Variants in CSMD2 observed in about 807,000 individuals in gnomAD.
CSMD2 encodes CUB and Sushi multiple domains 2.
A neutral mutation model predicts 398.5 loss-of-function variants in CSMD2; 130 were observed. That is an observed-to-expected ratio of 0.33 (90% CI 0.28 to 0.38). The LOEUF is 0.38. Among genes scored for constraint, CSMD2 ranks in the 10% least tolerant of loss-of-function variants. The pLI is 1.00. For synonymous variants in CSMD2, 1,828 were observed against 1,908.5 expected, an observed-to-expected ratio of 0.96 and a Z score of 1.10; for missense variants, 3,829 against 4,764.9, an observed-to-expected ratio of 0.80 and a Z score of 5.78.
In CSMD2 at chr1:33,633,519, G is replaced by A; in HGVS notation, c.5103C>T (p.Phe1701=). The A allele has an allele frequency of 1.3e-6, 2 of 1,552,498 alleles. No individual in the cohort carries two copies. The highest frequency in any genetic ancestry group is 1.7e-6 in the Non-Finnish European group (2 of 1,147,296). The change falls in exon 32 of 71, where the codon TTC becomes TTT. Residue 1701 remains phenylalanine, a synonymous_variant. Transcript: ENST00000373381. The surrounding 1 kb of genome is among the most constrained non-coding windows in gnomAD (Gnocchi z 5.0). ...CGTTGAGGGCCGTGTGAAAGAAGGC[G>A]AACTGGCCAAACACCACTGTGGAGG... ...VPKDYVVFGQ[F]AFFHTALNDV...
At chr1:34,157,193 G>C (rs1003427970) in intron 1 of CSMD2, among the ~76,000 whole-genome samples, 4 of 152,128 alleles carry the variant, frequency 2.6e-5, no homozygotes, top group Admixed American at 2.6e-4. Flanking sequence ...TGCTTTATGG[G>C]ACCAAAGGCT....
chr1:33,582,600 CAG>C (rs758206687), intron 47 of CSMD2, among the ~76,000 whole-genome samples: 11 of 152,170 alleles, frequency 7.2e-5, no homozygotes, highest in Non-Finnish European at 1.5e-4. Flanking sequence ...ACTCAGAAAA[CAG>C]AATATTATAG....
At chr1:34,091,413 C>T (rs545234146) in intron 1 of CSMD2, among the ~76,000 whole-genome samples, 9 of 152,226 alleles carry the variant, frequency 5.9e-5, no homozygotes, top group East Asian at 5.8e-4. Flanking sequence ...ATTTTACAGA[C>T]GAAGAACTAA....
chr1:33,867,287 T>A (rs763380525), intron 5 of CSMD2, among the ~76,000 whole-genome samples: 5 of 152,300 alleles, frequency 3.3e-5, no homozygotes. Flanking sequence ...CATTAGCCAG[T>A]GAGAAACAGA....
chr1:33,839,226 C>CAGT, intron 6 of CSMD2: 2 of 152,278 alleles, frequency 1.3e-5, no homozygotes, highest in Middle Eastern at 6.8e-3. Flanking sequence ...TTGGGATTTC[C>CAGT]AGTAAGCAGT....
At chr1:33,923,043 C>CT (rs532400687) in intron 4 of CSMD2, among the ~76,000 whole-genome samples, 23 of 151,628 alleles carry the variant, frequency 1.5e-4, no homozygotes, top group African/African-American at 4.1e-4. Flanking sequence ...AACTCACATA[C>CT]TTTTTTTTTG....
At chr1:33,971,995 C>T (rs6663957) in intron 3 of CSMD2, among the ~76,000 whole-genome samples, 12,134 of 152,160 alleles carry the variant, frequency 0.08, 926 homozygotes, top group East Asian at 0.37. Flanking sequence ...CCTAGGGAAG[C>T]TAGTCCTCAA....
At chr1:34,064,739 C>T (rs147148875) in intron 2 of CSMD2, among the ~76,000 whole-genome samples, 1 of 152,238 alleles carries the variant, frequency 6.6e-6, no homozygotes, top group African/African-American at 2.4e-5. Flanking sequence ...CTACTGGTAC[C>T]AGTTTACTGT....
chr1:33,853,860 C>G (rs966446390), intron 5 of CSMD2, among the ~76,000 whole-genome samples: 1 of 152,142 alleles, frequency 6.6e-6, no homozygotes, highest in South Asian at 2.1e-4. Context: ...GGTGGGATAT[C>G]GAATTACATC....
chr1:33,595,554 T>C (rs896634466), intron 44 of CSMD2, among the ~76,000 whole-genome samples: 1 of 152,246 alleles, frequency 6.6e-6, no homozygotes, highest in Non-Finnish European at 1.5e-5. Context: ...TTATTTAATG[T>C]CTGCGTGGAT....
intron 25 of CSMD2, among the ~76,000 whole-genome samples, chr1:33,680,593 C>T (rs1055931820): frequency 8.5e-5 from 13 of 152,200 alleles, no homozygotes; most frequent in Admixed American, 5.9e-4. Context: ...CACTTCTGTG[C>T]TCTGGGCCTT....
At chr1:34,006,365 C>T (rs1331670178) in intron 3 of CSMD2, among the ~76,000 whole-genome samples, 2 of 152,170 alleles carry the variant, frequency 1.3e-5, no homozygotes, top group African/African-American at 2.4e-5. Flanking sequence ...ATTCCAGGAG[C>T]TTCAACCTAG....
At chr1:34,091,058 G>C (rs569076173) in intron 1 of CSMD2, among the ~76,000 whole-genome samples, 3 of 152,186 alleles carry the variant, frequency 2.0e-5, no homozygotes, top group African/African-American at 7.2e-5. Flanking sequence ...GTCCTTCCTT[G>C]GTCAGGTCAA....
chr1:33,814,565 C>T (rs1657242545), intron 9 of CSMD2, among the ~76,000 whole-genome samples: 1 of 152,194 alleles, frequency 6.6e-6, no homozygotes, highest in African/African-American at 2.4e-5. Context: ...GTCCCACTCT[C>T]TAAGAATGCA....
chr1:33,724,262 C>G lies in CSMD2; in HGVS notation c.2936G>C (p.Gly979Ala), dbSNP rs748249909. ...QGSSGTILSP[G>A]FPDFYPNNLN... ...GTTGTTGGGGTAGAAGTCAGGGAAC[C>G]CTGGCGACAAGATGGTCCCACTGGA... is the stretch of plus-strand genomic sequence containing the variant. Residue 979 changes from glycine (G) to alanine (A), a missense_variant, in exon 19 of 71, where the codon GGG (glycine) becomes GCG (alanine). Physicochemically the swap from Gly to Ala is moderately conservative, Grantham distance 60. Transcript: ENST00000373381. 2 of 1,613,856 alleles carry G rather than the reference C, an allele frequency of 1.2e-6. No individual in the cohort carries two copies. Among genetic ancestry groups the G allele is most frequent in the African/African-American group, 2.7e-5 (2 of 74,868 alleles).
In CSMD2 at chr1:33,680,918, CTTTTTTTTTTT is replaced by C. The variant is rs66489770; in HGVS notation, c.4052+12001_4052+12011del. Among the ~76,000 whole-genome samples, 22 of 75,944 alleles carry C rather than the reference CTTTTTTTTTTT, an allele frequency of 2.9e-4. 1 individual carries two copies. The highest frequency in any genetic ancestry group is 1.4e-3 in the Admixed American group (6 of 4,276). 49.8% of individuals were successfully genotyped at this position (75,944 alleles called of 152,430 possible). A position where few individuals can be genotyped will look rare whatever the true frequency, so the allele number is the denominator to read the frequency against. On this transcript the variant is annotated intron_variant, in intron 25 of 70. Coordinates refer to ENST00000373381, the MANE Select transcript of CSMD2 (RefSeq NM_001281956.2). ...CTTATTTCCATCATCCTGTTTTATG[CTTTTTTTTTTT>C]TTTTTTTTTTTTTGAGACAGAATCT...
rs6692636 is a variant in CSMD2 at position 33,702,992 on chromosome 1, T to A, written c.3577-2319A>T. The stretch of plus-strand genomic sequence containing the variant: ...GTCTTTATCACATATATAATTAACA[T>A]ATAATTATATACATTTGGTTTTGTT... On this transcript the variant is annotated intron_variant, in intron 22 of 70. Coordinates refer to ENST00000373381, the MANE Select transcript of CSMD2 (RefSeq NM_001281956.2). 9.3e-3 allele frequency among the ~76,000 whole-genome samples: 1,415 copies of A among 152,264 alleles called. 19 individuals are homozygous for A. The highest frequency in any genetic ancestry group is 0.031 in the African/African-American group (1,271 of 41,562).
intron 3 of CSMD2, among the ~76,000 whole-genome samples, chr1:33,999,467 C>G (rs10914834): frequency 0.011 from 1,730 of 152,286 alleles, 33 homozygotes; most frequent in African/African-American, 0.038. Context: ...TCATAGCTCA[C>G]TTACTGCAGC....
intron 5 of CSMD2, among the ~76,000 whole-genome samples, chr1:33,913,020 C>T (rs1486099377): frequency 1.3e-5 from 2 of 152,070 alleles, no homozygotes; most frequent in Non-Finnish European, 2.9e-5. Context: ...CCATGTTGCC[C>T]AGGCTCATCT....
Sources: allele counts gnomAD v4.1 joint callset (sites outside exome capture counted in the v4.1 genomes callset), GRCh38; gene constraint gnomAD v4.1.1; non-coding constraint Gnocchi (gnomAD v3.1); transcripts MANE v1.5; gene names NCBI Gene and HGNC (gene_info 2026-07-23, HGNC 2026-07-21).